The following VSNL1 variants were observed in gnomAD, a reference collection of about 807,000 sequenced individuals.
VSNL1 encodes the protein visinin-like protein 1.
A neutral mutation model predicts 20.4 loss-of-function variants in VSNL1; 6 were observed. That is an observed-to-expected ratio of 0.29 (90% CI 0.16 to 0.58). The LOEUF is 0.58. VSNL1 is among the 20% of genes least tolerant of loss of function. The pLI is 0.90. For missense variants in VSNL1, 100 were observed against 234.5 expected, an observed-to-expected ratio of 0.43 and a Z score of 3.75; for synonymous variants, 93 against 86.4, an observed-to-expected ratio of 1.08 and a Z score of -0.42.
In VSNL1 at chr2:17,586,995, G is replaced by A. The variant is rs115658263; in HGVS notation, c.-5-5075G>A. ...AAAGATTTATTCAAGACTGACCTAA[G>A]TAATCTGTCACTGACCAGCCCATTG... On this transcript the variant is annotated intron_variant, in intron 1 of 3. Coordinates refer to ENST00000295156, the MANE Select transcript of VSNL1 (RefSeq NM_003385.5). 4.6e-3 allele frequency among the ~76,000 whole-genome samples: 702 copies of A among 152,282 alleles called. 4 individuals carry two copies. Among genetic ancestry groups the A allele is most frequent in the African/African-American group, 0.016 (652 of 41,564 alleles).
chr2:17,655,420 CAA>C lies in VSNL1; in HGVS notation c.*29_*30del, dbSNP rs768801733. The C allele has an allele frequency of 1.3e-6, 2 of 1,564,176 alleles. No homozygotes were observed. The highest frequency in any genetic ancestry group is 2.3e-5 in the East Asian group (1 of 43,974). Reference sequence around the variant, plus strand: ...GCTGATGTCAATGCTATGGACTGCACAAAAGTCTCAATGTTCCATTCAGTCTG... The same window carrying C: ...GCTGATGTCAATGCTATGGACTGCACAAGTCTCAATGTTCCATTCAGTCTG... On this transcript the variant is annotated 3_prime_UTR_variant, in exon 4 of 4. Coordinates refer to ENST00000295156, the MANE Select transcript of VSNL1 (RefSeq NM_003385.5). This position sits in a 1 kb window ranked among gnomAD's most constrained non-coding sequence, Gnocchi z 5.2.
intron 1 of VSNL1, among the ~76,000 whole-genome samples, chr2:17,561,552 T>G (rs1390552610): frequency 1.3e-5 from 2 of 152,218 alleles, no homozygotes; most frequent in African/African-American, 4.8e-5. Flanking sequence ...AAGAATCTAT[T>G]GGAAGCTTTA....
chr2:17,580,019 T>A (rs1279494169), intron 1 of VSNL1, among the ~76,000 whole-genome samples: 1 of 152,182 alleles, frequency 6.6e-6, no homozygotes, highest in Non-Finnish European at 1.5e-5. Context: ...CATCAGAATC[T>A]GCTATGTCAC....
intron 2 of VSNL1, among the ~76,000 whole-genome samples, chr2:17,648,911 G>T (rs911637270): frequency 4.6e-5 from 7 of 152,220 alleles, no homozygotes; most frequent in Non-Finnish European, 7.3e-5. Context: ...ACCTCACCCA[G>T]GGAGGGGATA....
intron 2 of VSNL1, among the ~76,000 whole-genome samples, chr2:17,593,200 C>T (rs1480467331): frequency 6.6e-6 from 1 of 152,130 alleles, no homozygotes; most frequent in Non-Finnish European, 1.5e-5. Context: ...CAATTCCATT[C>T]TTGTACTGTA....
intron 2 of VSNL1, among the ~76,000 whole-genome samples, chr2:17,611,498 A>G (rs1422258914): frequency 6.6e-6 from 1 of 152,254 alleles, no homozygotes; most frequent in Non-Finnish European, 1.5e-5. Context: ...ATGCCACATC[A>G]CTAAATGTGG....
intron 2 of VSNL1, among the ~76,000 whole-genome samples, chr2:17,632,352 G>C (rs1454226889): frequency 1.3e-5 from 2 of 151,994 alleles, no homozygotes; most frequent in African/African-American, 4.8e-5. Context: ...CCAGGCTGGA[G>C]TGCAGTGGCG....
chr2:17,611,737 T>C (rs1386982713), intron 2 of VSNL1, among the ~76,000 whole-genome samples: 1 of 152,194 alleles, frequency 6.6e-6, no homozygotes, highest in Non-Finnish European at 1.5e-5. Flanking sequence ...TGCTCTCTGC[T>C]CTGTAATCCC....
chr2:17,611,083 AAAAC>A (rs1371314465), intron 2 of VSNL1, among the ~76,000 whole-genome samples: 1 of 152,252 alleles, frequency 6.6e-6, no homozygotes, highest in Non-Finnish European at 1.5e-5. Context: ...GTATTGAACA[AAAAC>A]AAGAGCAATA....
chr2:17,548,371 A>ATCTTTTTC (rs1315254241), intron 1 of VSNL1, among the ~76,000 whole-genome samples: 1 of 152,094 alleles, frequency 6.6e-6, no homozygotes, highest in Non-Finnish European at 1.5e-5. Flanking sequence ...AAAAAAGGAC[A>ATCTTTTTC]TCTTTTTCTC....
chr2:17,581,290 A>G (rs543661911), intron 1 of VSNL1, among the ~76,000 whole-genome samples: 1 of 152,088 alleles, frequency 6.6e-6, no homozygotes, highest in Non-Finnish European at 1.5e-5. Flanking sequence ...ATTGTATTTA[A>G]TATATGTCCT....
chr2:17,559,322 C>A (rs192807597), intron 1 of VSNL1, among the ~76,000 whole-genome samples: 1 of 151,186 alleles, frequency 6.6e-6, no homozygotes, highest in African/African-American at 2.4e-5. Context: ...AAGCTTCTGC[C>A]GTACTAGTAA....
At chr2:17,586,911 G>A (rs529297647) in intron 1 of VSNL1, among the ~76,000 whole-genome samples, 1 of 152,266 alleles carries the variant, frequency 6.6e-6, no homozygotes, top group South Asian at 2.1e-4. Flanking sequence ...GCATGAGAAG[G>A]CCAGTCTCTA....
intron 2 of VSNL1, among the ~76,000 whole-genome samples, chr2:17,592,898 G>T (rs1362014524): frequency 6.6e-6 from 1 of 151,942 alleles, no homozygotes; most frequent in East Asian, 1.9e-4. Context: ...TATTGTTTTG[G>T]CTTGTCTGAG....
At chr2:17,573,247 G>C (rs1258585312) in intron 1 of VSNL1, among the ~76,000 whole-genome samples, 1 of 152,196 alleles carries the variant, frequency 6.6e-6, no homozygotes, top group African/African-American at 2.4e-5. Context: ...AGAAGTAAGA[G>C]ATGAAACTGA....
chr2:17,645,712 C>T (rs1403484538), intron 2 of VSNL1, among the ~76,000 whole-genome samples: 2 of 152,148 alleles, frequency 1.3e-5, no homozygotes, highest in East Asian at 1.9e-4. Flanking sequence ...AGCTCCTGCC[C>T]TGGCCAGGAG....
chr2:17,554,509 T>C (rs1663627149), intron 1 of VSNL1, among the ~76,000 whole-genome samples: 1 of 152,180 alleles, frequency 6.6e-6, no homozygotes, highest in Non-Finnish European at 1.5e-5. Flanking sequence ...TTTTTATAAT[T>C]AAATGAAGAA....
intron 2 of VSNL1, among the ~76,000 whole-genome samples, chr2:17,631,269 C>G (rs1028440529): frequency 7.5e-4 from 113 of 151,224 alleles, no homozygotes; most frequent in Middle Eastern, 3.4e-3. Flanking sequence ...CAAAATGACA[C>G]CAAAACCAAA....
At chr2:17,637,761 AC>A (rs1412792894) in intron 2 of VSNL1, among the ~76,000 whole-genome samples, 1 of 152,180 alleles carries the variant, frequency 6.6e-6, no homozygotes, top group East Asian at 1.9e-4. Context: ...TCTGGCCCAC[AC>A]CAGTGAGAGC....
Sources: allele counts gnomAD v4.1 joint callset (sites outside exome capture counted in the v4.1 genomes callset), GRCh38; gene constraint gnomAD v4.1.1; non-coding constraint Gnocchi (gnomAD v3.1); transcripts MANE v1.5; gene names NCBI Gene and HGNC (gene_info 2026-07-23, HGNC 2026-07-21).